ECE1: variants seen among roughly 807,000 people sequenced by gnomAD.
ECE1 encodes the protein endothelin converting enzyme 1, also known as endothelin-converting enzyme 1.
In ECE1, 35 loss-of-function variants were observed where a neutral mutation model predicts 98.6. The ratio of observed to expected loss-of-function variants is 0.35; its 90% confidence interval spans 0.27 to 0.47. The LOEUF (loss-of-function observed/expected upper bound fraction) is 0.47. Among genes scored for constraint, ECE1 ranks in the 20% least tolerant of loss-of-function variants. The pLI, the probability that ECE1 is intolerant of heterozygous loss-of-function variation, is 1.00. For synonymous variants in ECE1, 394 were observed against 407.1 expected (o/e 0.97, Z 0.39); for missense variants, 814 against 1,025.3 (o/e 0.79, Z 2.81).
chr1:21,279,616 A>G, intron 2 of ECE1: 3 of 1,429,796 alleles, frequency 2.1e-6, no homozygotes, highest in South Asian at 3.1e-5. Context: ...AAAAAACTAC[A>G]GCTTTTCCCT....
intron 1 of ECE1, among the ~76,000 whole-genome samples, chr1:21,321,150 C>T (rs558841619): frequency 3.9e-4 from 59 of 152,318 alleles, no homozygotes; most frequent in African/African-American, 1.3e-3. Context: ...AGAGCTAGTG[C>T]GTGGCGGAGC....
Position 21,220,015 on chromosome 1 carries a change from T to C in ECE1, c.2253A>G (p.Glu751=). 2 of 1,614,154 alleles carry C rather than the reference T, an allele frequency of 1.2e-6. No individual in the cohort carries two copies. The highest frequency in any genetic ancestry group is 3.3e-5 in the Admixed American group (2 of 60,006). Residue 751 remains glutamate, a synonymous_variant, in exon 19 of 19, where the codon GAA becomes GAG. Transcript: ENST00000374893. This position sits in a 1 kb window ranked among gnomAD's most constrained non-coding sequence, Gnocchi z 5.0. Reference sequence around the variant, plus strand: ...GTGAGCCAGGTGGGCAGCGGAAGTGTTCTGAGAACTCCTTGGAATTGGAGA... The same window carrying C: ...GTGAGCCAGGTGGGCAGCGGAAGTGCTCTGAGAACTCCTTGGAATTGGAGA... ...GSLSNSKEFS[E]HFRCPPGSPM...
chr1:21,247,180 T>C, intron 9 of ECE1, 41 bp downstream of exon 9: 1 of 1,613,712 alleles, frequency 6.2e-7, no homozygotes, highest in South Asian at 1.1e-5. Flanking sequence ...AAGAGGGCTG[T>C]CTGTGAGAGG....
rs1639111965 is a variant in ECE1 at position 21,327,777 on chromosome 1, C to T, written c.3+17599G>A. Among the ~76,000 whole-genome samples the T allele has an allele frequency of 6.6e-6, 1 of 152,284 alleles. No individual in the cohort carries two copies. The highest frequency in any genetic ancestry group is 2.4e-5 in the African/African-American group (1 of 41,570). ...TACCAGTCCATGGCCTGTTAGGAAC[C>T]GGGCCGCACAGCAGGAGGTGAGCTG... On this transcript the variant is annotated intron_variant, in intron 1 of 18. Coordinates refer to the ECE1 transcript ENST00000415912. The surrounding 1 kb of genome is among the most constrained non-coding windows in gnomAD (Gnocchi z 4.6).
chr1:21,223,408 C>T (rs1457482594), intron 17 of ECE1, among the ~76,000 whole-genome samples: 1 of 152,194 alleles, frequency 6.6e-6, no homozygotes, highest in Non-Finnish European at 1.5e-5. Context: ...CATGCCTCAG[C>T]CTCCCAAGTA....
intron 1 of ECE1, among the ~76,000 whole-genome samples, chr1:21,335,294 G>A (rs561351672): frequency 2.0e-5 from 3 of 151,848 alleles, no homozygotes; most frequent in East Asian, 1.9e-4. Context: ...CCACCACATC[G>A]CCCTGTTTTG....
At chr1:21,270,585 G>A (rs565183715) in intron 4 of ECE1, among the ~76,000 whole-genome samples, 2 of 152,308 alleles carry the variant, frequency 1.3e-5, no homozygotes, top group African/African-American at 4.8e-5. Flanking sequence ...CCACCCTGCA[G>A]GATCAAGTGG....
chr1:21,229,891 C>T (rs2098179557), intron 14 of ECE1, among the ~76,000 whole-genome samples: 1 of 152,158 alleles, frequency 6.6e-6, no homozygotes, highest in Non-Finnish European at 1.5e-5. Flanking sequence ...TTCATGAAGG[C>T]TGGGCATGGT....
At chr1:21,313,389 G>T (rs1404361087) in intron 1 of ECE1, among the ~76,000 whole-genome samples, 1 of 152,188 alleles carries the variant, frequency 6.6e-6, no homozygotes, top group East Asian at 1.9e-4. Flanking sequence ...GGGAGGAAAC[G>T]CCTGGCTGGG....
rs556174846 is a variant in ECE1, at chr1:21,279,450, T to C, written c.139-118A>G. Reference sequence around the variant, plus strand: ...GGAGAGGCATCAGGGCTGCCTCCTGTCTCAGGGGTGGTCTGGTTCCCACAG... The same window carrying C: ...GGAGAGGCATCAGGGCTGCCTCCTGCCTCAGGGGTGGTCTGGTTCCCACAG... On this transcript the variant is annotated intron_variant, in intron 2 of 18. Transcript: ENST00000374893. 1.3e-5 allele frequency: 21 copies of C among 1,567,290 alleles called. No homozygotes were observed. The South Asian group carries it at 2.1e-4, about 15-fold the overall frequency.
chr1:21,306,523 G>A (rs902121536), intron 1 of ECE1, among the ~76,000 whole-genome samples: 7 of 152,004 alleles, frequency 4.6e-5, no homozygotes, highest in African/African-American at 1.7e-4. Flanking sequence ...TTTTAGTAGG[G>A]ACGGCGTTTC....
rs570035365 is a variant in ECE1 at position 21,263,815 on chromosome 1, G to A, written c.494-3423C>T. On this transcript the variant is annotated intron_variant, in intron 4 of 18. Transcript: ENST00000374893. ...GGCAGGAGCCCTGGTAGAAGGTACG[G>A]TTCCTCTTCCTCCCCCTGGTTCCAG... Among the ~76,000 whole-genome samples, 53 of 152,154 alleles carry A rather than the reference G, an allele frequency of 3.5e-4. No homozygotes were observed. The South Asian group carries it at 3.5e-3, about 10-fold the overall frequency.
At position 21,290,091 on chromosome 1, in the gene ECE1, G is replaced by C; in HGVS notation, c.117C>G (p.Asp39Glu). ...EDLVDSLSEG[D>E]AYPNGLQVNF... ...CTACCTGCAGGCCGTTGGGGTATGC[G>C]TCGCCCTCGGAGAGCGAGTCCACCA... Residue 39 changes from aspartate (D) to glutamate (E), a missense_variant, in exon 2 of 19, where the codon GAC (aspartate) becomes GAG (glutamate). By Grantham distance (45) the Asp-to-Glu change is conservative (BLOSUM62 2). Coordinates refer to ENST00000374893, the MANE Select transcript of ECE1 (RefSeq NM_001397.3). This position sits in a 1 kb window ranked among gnomAD's most constrained non-coding sequence, Gnocchi z 7.3. 2 of 1,545,200 alleles carry C rather than the reference G, an allele frequency of 1.3e-6. No homozygotes were observed. The highest frequency in any genetic ancestry group is 3.4e-4 in the Middle Eastern group (2 of 5,810).
rs1638981380 is a variant in ECE1, at chr1:21,322,282, T to C, written c.3+23094A>G. 6.6e-6 allele frequency among the ~76,000 whole-genome samples: 1 copy of C among 151,756 alleles called. No individual in the cohort carries two copies. Among genetic ancestry groups the C allele is most frequent in the Non-Finnish European group, 1.5e-5 (1 of 67,946 alleles). On this transcript the variant is annotated intron_variant, in intron 1 of 18. Coordinates refer to the ECE1 transcript ENST00000415912. This position sits in a 1 kb window ranked among gnomAD's most constrained non-coding sequence, Gnocchi z 4.1. ...CCCCACACCCCACCTGAGCCCGGAG[T>C]GCAGCTCCCTCCCTAACGGCTGGGG... is the stretch of plus-strand genomic sequence containing the variant.
At chr1:21,315,346 A>G (rs756053564) in intron 1 of ECE1, among the ~76,000 whole-genome samples, 4 of 152,178 alleles carry the variant, frequency 2.6e-5, no homozygotes, top group Non-Finnish European at 4.4e-5. Flanking sequence ...GCAGTTCCCC[A>G]ATGGATCAAC....
chr1:21,316,838 ATC>A (rs965778542), intron 1 of ECE1, among the ~76,000 whole-genome samples: 2 of 152,210 alleles, frequency 1.3e-5, no homozygotes, highest in Non-Finnish European at 2.9e-5. Context: ...GGAGCCTCCA[ATC>A]AATTATTGAA....
chr1:21,219,540 A>T lies in ECE1; in HGVS notation c.*415T>A, dbSNP rs181637959. 3.7e-3 allele frequency: 648 copies of T among 176,582 alleles called. No homozygotes were observed. Among genetic ancestry groups the T allele is most frequent in the Non-Finnish European group, 5.7e-3 (475 of 82,922 alleles). The allele number at this position is 176,582 out of a possible 1,614,324, so 10.9% of individuals were successfully genotyped here. A position where few individuals can be genotyped will look rare whatever the true frequency, so the allele number is the denominator to read the frequency against. On this transcript the variant is annotated 3_prime_UTR_variant, in exon 19 of 19. Coordinates refer to ENST00000374893, the MANE Select transcript of ECE1 (RefSeq NM_001397.3). The surrounding 1 kb of genome is among the most constrained non-coding windows in gnomAD (Gnocchi z 4.5). ...TAATAAATATACCAATTCTTTCCTT[A>T]AAAAAAAAAGTGTTTAAATGTGTTT...
chr1:21,222,011 A>G (rs963099854), intron 17 of ECE1, 169 bp from the exon 18 acceptor site: 1 of 691,756 alleles, frequency 1.4e-6, no homozygotes, highest in African/African-American at 1.8e-5. Flanking sequence ...GCACTCGTTT[A>G]GCCCTATGGC....
chr1:21,308,859 G>A (rs528922663), intron 1 of ECE1, among the ~76,000 whole-genome samples: 99 of 152,234 alleles, frequency 6.5e-4, no homozygotes, highest in African/African-American at 2.1e-3. Context: ...CCCTTGCTAG[G>A]AGCAGTTTTA....
Sources: gnomAD v4.1 joint callset for allele counts (sites outside exome capture counted in the v4.1 genomes callset) on GRCh38, gnomAD v4.1.1 for gene constraint, Gnocchi (gnomAD v3.1) non-coding constraint, MANE v1.5 for transcripts, NCBI Gene and HGNC (gene_info 2026-07-23, HGNC 2026-07-21) for gene names.